The following SI variants were observed in gnomAD, a reference collection of about 807,000 sequenced individuals.
The protein encoded by SI is sucrase-isomaltase, intestinal.
In SI, 235 loss-of-function variants were observed where a neutral mutation model predicts 253.3. The ratio of observed to expected loss-of-function variants is 0.93; its 90% confidence interval spans 0.83 to 1.03. The LOEUF (loss-of-function observed/expected upper bound fraction) is 1.03. Among genes scored for constraint, SI ranks in the 50% least tolerant of loss-of-function variants. SI has a pLI of 0.00. For missense variants in SI, 2,442 were observed against 2,211.1 expected (o/e 1.10, Z -2.09); for synonymous variants, 819 against 712.0 (o/e 1.15, Z -2.39).
At chr3:165,038,185 C>A (rs569599216) in intron 20 of SI, among the ~76,000 whole-genome samples, 161 bp from the exon 21 acceptor site, 3 of 149,936 alleles carry the variant, frequency 2.0e-5, no homozygotes, top group Admixed American at 6.7e-5. Context: ...TTTCAGTTTG[C>A]TGAACAAAGT....
At chr3:164,992,436 T>C in intron 41 of SI, 39 bp from the exon 42 acceptor site, 2 of 1,343,554 alleles carry the variant, frequency 1.5e-6, no homozygotes, top group Non-Finnish European at 2.1e-6. Context: ...TTAAAACAAA[T>C]AACTTTCTTC....
chr3:165,007,116 C>G (rs11925806), intron 36 of SI, among the ~76,000 whole-genome samples, 162 bp from the exon 37 acceptor site: 1 of 152,080 alleles, frequency 6.6e-6, no homozygotes, highest in Non-Finnish European at 1.5e-5. Context: ...TAATTATCAA[C>G]TTAAAATGGC....
At chr3:165,074,704 CATTAA>C (rs773847148) in intron 2 of SI, 37 bp from the exon 3 acceptor site, 19 of 1,531,528 alleles carry the variant, frequency 1.2e-5, no homozygotes, top group African/African-American at 2.7e-5. Flanking sequence ...TAAAACATGA[CATTAA>C]ATTAATTTTC....
intron 37 of SI, among the ~76,000 whole-genome samples, chr3:165,005,492 T>TA (rs903273974): frequency 1.3e-5 from 2 of 151,858 alleles, no homozygotes; most frequent in South Asian, 2.1e-4. Flanking sequence ...ACATGACACT[T>TA]AAAAAAAATC....
rs1456787887 is a variant in SI at position 165,009,268 on chromosome 3, A to G, written c.4179+11T>C. ...ATAACTTAAAACATAGATTGTTCAAAGCTTACTTACAATCCACAAACCATC... is the reference window on the plus strand; with the variant it reads ...ATAACTTAAAACATAGATTGTTCAAGGCTTACTTACAATCCACAAACCATC... On this transcript the variant is annotated intron_variant, in intron 35 of 47. Coordinates refer to ENST00000264382, the MANE Select transcript of SI (RefSeq NM_001041.4). 6.5e-7 allele frequency: 1 copy of G among 1,534,230 alleles called. No individual in the cohort carries two copies.
At chr3:164,987,753 T>G (rs1717515198) in intron 44 of SI, among the ~76,000 whole-genome samples, 2 of 152,166 alleles carry the variant, frequency 1.3e-5, no homozygotes, top group Non-Finnish European at 2.9e-5. Flanking sequence ...GCATGTCTTT[T>G]GATCTCAAGG....
chr3:165,087,494 T>A, the SI span, among the ~76,000 whole-genome samples: 1 of 152,116 alleles, frequency 6.6e-6, no homozygotes, highest in Non-Finnish European at 1.5e-5. Context: ...CCAACCATCC[T>A]TACAACCACC....
At chr3:165,065,850 CACTTA>C (rs1451260343) in intron 6 of SI, among the ~76,000 whole-genome samples, 2 of 151,704 alleles carry the variant, frequency 1.3e-5, no homozygotes, top group African/African-American at 4.8e-5. Flanking sequence ...CTGGCTTCCA[CACTTA>C]AAAATTAAGT....
the SI span, among the ~76,000 whole-genome samples, chr3:165,084,843 T>C: frequency 1.3e-5 from 2 of 152,058 alleles, no homozygotes; most frequent in African/African-American, 4.8e-5. Context: ...TATTAACTTA[T>C]ACATTCCTGA....
At chr3:165,032,460 G>A (rs1712299344) in intron 24 of SI, 62 bp downstream of exon 24, 1 of 1,125,514 alleles carries the variant, frequency 8.9e-7, no homozygotes, top group Admixed American at 1.8e-5. Flanking sequence ...TGCCTGAATG[G>A]TTATATAATA....
upstream of SI, among the ~76,000 whole-genome samples, chr3:165,083,458 A>G (rs1004484877): frequency 2.0e-5 from 3 of 151,954 alleles, no homozygotes; most frequent in Non-Finnish European, 4.4e-5. Flanking sequence ...AAAAAGTTAG[A>G]AGGCTCATAA....
intron 24 of SI, among the ~76,000 whole-genome samples, chr3:165,031,457 C>T (rs909621717): frequency 1.3e-5 from 2 of 148,934 alleles, no homozygotes; most frequent in South Asian, 2.1e-4. Flanking sequence ...TTTTATTATT[C>T]CCTCTTTTAA....
At chr3:165,012,934 G>A (rs751529986) in intron 34 of SI, 46 bp downstream of exon 34, 2 of 1,183,088 alleles carry the variant, frequency 1.7e-6, no homozygotes, top group Non-Finnish European at 2.5e-6. Context: ...TCAAGTCTAA[G>A]TTTTGAATTT....
At chr3:165,089,205 C>T in the SI span, among the ~76,000 whole-genome samples, 1 of 151,586 alleles carries the variant, frequency 6.6e-6, no homozygotes, top group African/African-American at 2.4e-5. Context: ...CAGAGATGTC[C>T]TTCTAGAATT....
intron 3 of SI, 67 bp downstream of exon 3, chr3:165,074,464 T>G: frequency 1.0e-6 from 1 of 1,000,652 alleles, no homozygotes; most frequent in Non-Finnish European, 1.4e-6. Flanking sequence ...CGATCCAATA[T>G]TCAGCAATTA....
intron 12 of SI, among the ~76,000 whole-genome samples, chr3:165,057,654 T>C (rs1713760629): frequency 6.6e-6 from 1 of 151,704 alleles, no homozygotes; most frequent in African/African-American, 2.4e-5. Flanking sequence ...TCAGTGTAAC[T>C]TTACAGGCCA....
chr3:165,084,014 C>G, the SI span, among the ~76,000 whole-genome samples: 1 of 151,872 alleles, frequency 6.6e-6, no homozygotes, highest in Non-Finnish European at 1.5e-5. Flanking sequence ...GTTTACATCC[C>G]CTCCAAATTC....
rs564913842 is a variant in SI, at chr3:165,025,671, G to A, written c.2893-1895C>T. 4.6e-5 allele frequency among the ~76,000 whole-genome samples: 7 copies of A among 151,422 alleles called. No individual in the cohort carries two copies. The South Asian group carries it at 1.5e-3, about 31-fold the overall frequency. On this transcript the variant is annotated intron_variant, in intron 25 of 47. Transcript: ENST00000264382. ...GAAACCCTACAAGCTAGAAGGGATT[G>A]GGGCGCTGTCTTCAGCCTCCTTAAA...
chr3:164,990,070 C>G (rs1005762119), intron 44 of SI, among the ~76,000 whole-genome samples: 21 of 151,986 alleles, frequency 1.4e-4, no homozygotes, highest in African/African-American at 4.8e-4. Context: ...AAACTGTGGT[C>G]TTTGGGTGAT....
Sources: gnomAD v4.1 joint callset for allele counts (sites outside exome capture counted in the v4.1 genomes callset) on GRCh38, gnomAD v4.1.1 for gene constraint, MANE v1.5 for transcripts, NCBI Gene and HGNC (gene_info 2026-07-23, HGNC 2026-07-21) for gene names.